Variants in LANCL3 observed in about 807,000 individuals in gnomAD.
The protein encoded by LANCL3 is LanC like family member 3.
LANCL3 carries 19 observed loss-of-function variants against 26.5 expected under a neutral mutation model. That is an observed-to-expected ratio of 0.72 (90% CI 0.50 to 1.05). The LOEUF is 1.05. Ranked by LOEUF, LANCL3 falls within the 50% of genes least tolerant of loss-of-function variation. The pLI is 0.00. For missense variants in LANCL3, 318 were observed against 362.7 expected, an observed-to-expected ratio of 0.88 and a Z score of 1.00; for synonymous variants, 160 against 166.6, an observed-to-expected ratio of 0.96 and a Z score of 0.30.
intron 1 of LANCL3, among the ~76,000 whole-genome samples, chrX:37,588,667 A>T (rs1924179796): frequency 1.8e-5 from 2 of 111,721 alleles, no homozygotes; most frequent in African/African-American, 6.5e-5. Context: ...GTAAGATCAG[A>T]TTTTCTTTTC....
At chrX:37,674,768 T>G (rs1232049717) in intron 4 of LANCL3, among the ~76,000 whole-genome samples, 1 of 111,362 alleles carries the variant, frequency 9.0e-6, no homozygotes, top group Admixed American at 9.6e-5. Flanking sequence ...ATAATTACCC[T>G]TTGTAAGACC....
At chrX:37,580,368 T>C (rs1360140726) in intron 1 of LANCL3, among the ~76,000 whole-genome samples, 11 of 112,182 alleles carry the variant, frequency 9.8e-5, no homozygotes, top group African/African-American at 3.6e-4. Context: ...ATGTATTATG[T>C]CACTTTTCAA....
At chrX:37,662,754 G>A (rs1378610769) in intron 3 of LANCL3, among the ~76,000 whole-genome samples, 1 of 110,101 alleles carries the variant, frequency 9.1e-6, no homozygotes, top group African/African-American at 3.3e-5. Context: ...AATAATTAGT[G>A]TTCCTATGAT....
chrX:37,586,744 T>C (rs1180791500), intron 1 of LANCL3, among the ~76,000 whole-genome samples: 9 of 112,208 alleles, frequency 8.0e-5, no homozygotes, highest in Non-Finnish European at 1.5e-4. Context: ...GGGTTCAAAC[T>C]TCCCCCTTTA....
chrX:37,615,191 C>T (rs986831779), intron 1 of LANCL3, among the ~76,000 whole-genome samples: 16 of 111,424 alleles, frequency 1.4e-4, no homozygotes, highest in Admixed American at 9.6e-4. Flanking sequence ...TTTTAATGCG[C>T]GTAGAAGTCC....
At chrX:37,664,597 T>C (rs902192947) in intron 3 of LANCL3, among the ~76,000 whole-genome samples, 10 of 111,668 alleles carry the variant, frequency 9.0e-5, no homozygotes, top group African/African-American at 3.3e-4. Context: ...AGAGGGTACA[T>C]GTGCTGGTTT....
At chrX:37,670,020 A>G (rs1556435519) in intron 4 of LANCL3, among the ~76,000 whole-genome samples, 1 of 112,662 alleles carries the variant, frequency 8.9e-6, no homozygotes, top group Admixed American at 9.4e-5. Context: ...CATGTATGAT[A>G]ATTAACCAAT....
At position 37,681,703 on chromosome X, in the gene LANCL3, TTC is replaced by T. The variant is rs1228540541; in HGVS notation, c.*5892_*5893del. 8.9e-6 allele frequency: 1 copy of T among 112,229 alleles called. No individual in the cohort carries two copies. The highest frequency in any genetic ancestry group is 3.2e-5 in the African/African-American group (1 of 30,870). The allele number at this position is 112,229 out of a possible 1,213,427, so 9.2% of individuals were successfully genotyped here. A position where few individuals can be genotyped will look rare whatever the true frequency, so the allele number is the denominator to read the frequency against. The stretch of plus-strand genomic sequence containing the variant: ...TGTTTGACGTTGTTTAGTTGTTGAG[TTC>T]TGTGTCTATAAGAATCCTAGAAATT... On this transcript the variant is annotated 3_prime_UTR_variant, in exon 5 of 5. Coordinates refer to ENST00000378619, the MANE Select transcript of LANCL3 (RefSeq NM_001170331.2).
At chrX:37,594,991 T>G (rs1924386588) in intron 1 of LANCL3, among the ~76,000 whole-genome samples, 1 of 112,144 alleles carries the variant, frequency 8.9e-6, no homozygotes, top group Non-Finnish European at 1.9e-5. Flanking sequence ...CTAACAAATT[T>G]GTTCCCTGAG....
rs781927901 is a variant in LANCL3 at position 37,572,325 on chromosome X, C to T, written c.455C>T (p.Ala152Val). The change falls in exon 1 of 5, where the codon GCT becomes GTT. Residue 152 changes from alanine (A) to valine (V), a missense_variant. Physicochemically the swap from Ala to Val is moderately conservative, Grantham distance 64 (BLOSUM62 0). Transcript: ENST00000378619. ...GTGCAGCCGCTGGGCAAGTTCCGGGCTCTGTGTGCCGTCTGCGCGCCGGTC... is the reference window on the plus strand; with the variant it reads ...GTGCAGCCGCTGGGCAAGTTCCGGGTTCTGTGTGCCGTCTGCGCGCCGGTC... ...DYVQPLGKFRALCAVCAPVSF... is the reference protein window; with the variant it reads ...DYVQPLGKFRVLCAVCAPVSF... 5.9e-5 allele frequency: 68 copies of T among 1,161,327 alleles called. No individual in the cohort carries two copies. The Middle Eastern group carries it at 1.0e-3, about 17-fold the overall frequency.
intron 1 of LANCL3, among the ~76,000 whole-genome samples, chrX:37,602,834 A>G (rs897339122): frequency 1.8e-5 from 2 of 111,759 alleles, no homozygotes; most frequent in African/African-American, 6.5e-5. Flanking sequence ...AGTCTTTTCA[A>G]CTTGGTTTTG....
intron 1 of LANCL3, among the ~76,000 whole-genome samples, chrX:37,647,921 A>G (rs1405807612): frequency 8.9e-6 from 1 of 112,963 alleles, no homozygotes; most frequent in African/African-American, 3.2e-5. Flanking sequence ...TGAAACCATT[A>G]ACCATTCAAC....
At chrX:37,660,347 C>G (rs1195845613) in intron 3 of LANCL3, among the ~76,000 whole-genome samples, 2 of 111,626 alleles carry the variant, frequency 1.8e-5, no homozygotes, top group Non-Finnish European at 3.8e-5. Flanking sequence ...TTGGGATGCA[C>G]TGTTCTACAA....
intron 1 of LANCL3, among the ~76,000 whole-genome samples, chrX:37,628,465 A>G (rs1410418770): frequency 9.1e-6 from 1 of 110,004 alleles, no homozygotes; most frequent in Non-Finnish European, 1.9e-5. Context: ...TTATTATTAT[A>G]CTTTAAGATT....
chrX:37,580,407 A>G (rs1189131330), intron 1 of LANCL3, among the ~76,000 whole-genome samples: 4 of 111,907 alleles, frequency 3.6e-5, no homozygotes, highest in Non-Finnish European at 3.8e-5. Context: ...TTTGTTTGTT[A>G]AAATTTTTTA....
intron 1 of LANCL3, among the ~76,000 whole-genome samples, chrX:37,597,668 CTTTTTTTTTTTTT>C (rs57097813): frequency 7.5e-5 from 6 of 79,830 alleles, no homozygotes; most frequent in Non-Finnish European, 1.4e-4. Context: ...CACACGCCAC[CTTTTTTTTTTTTT>C]TTTTTTTTTT....
intron 1 of LANCL3, among the ~76,000 whole-genome samples, chrX:37,637,244 A>T (rs3126418): frequency 0.23 from 26,045 of 111,254 alleles, 2,606 homozygotes; most frequent in African/African-American, 0.39. Context: ...ATTTTCAGAC[A>T]ATATGGATTC....
chrX:37,573,853 A>G lies in LANCL3; in HGVS notation c.573+1410A>G, dbSNP rs144560403. ...AATGGGAAGAGTGTGTGACCACTAGATCACACAGGTGGAAGCAGACCAGAA... is the reference window on the plus strand; with the variant it reads ...AATGGGAAGAGTGTGTGACCACTAGGTCACACAGGTGGAAGCAGACCAGAA... On this transcript the variant is annotated intron_variant, in intron 1 of 4. Transcript: ENST00000378619. Among the ~76,000 whole-genome samples, 1,053 of 108,517 alleles carry G rather than the reference A, an allele frequency of 9.7e-3. 6 individuals are homozygous for G. Among genetic ancestry groups the G allele is most frequent in the African/African-American group, 0.034 (1,001 of 29,589 alleles). The allele number at this position is 108,517 out of a possible 115,157, so 94.2% of individuals were successfully genotyped here.
chrX:37,590,997 G>A (rs1375588923), intron 1 of LANCL3, among the ~76,000 whole-genome samples: 1 of 111,768 alleles, frequency 8.9e-6, no homozygotes, highest in African/African-American at 3.3e-5. Context: ...TGAAATGTGG[G>A]AACTAGGTGA....
Sources: allele counts gnomAD v4.1 joint callset (sites outside exome capture counted in the v4.1 genomes callset), GRCh38; gene constraint gnomAD v4.1.1; transcripts MANE v1.5; gene names NCBI Gene and HGNC (gene_info 2026-07-23, HGNC 2026-07-21).